The following APTX variants were observed in gnomAD, a reference collection of about 807,000 sequenced individuals.
APTX encodes the protein aprataxin.
In APTX, 33 loss-of-function variants were observed where a neutral mutation model predicts 42.3. That is an observed-to-expected ratio of 0.78 (90% confidence interval 0.59 to 1.04). The LOEUF (loss-of-function observed/expected upper bound fraction) is 1.04, where lower values mean the gene tolerates loss of function less well. APTX is among the 50% of genes least tolerant of loss of function. APTX has a pLI of 0.00. For missense variants in APTX, 421 were observed against 415.1 expected (o/e 1.01, Z -0.12); for synonymous variants, 130 against 146.7 (o/e 0.89, Z 0.82).
At chr9:33,010,081 G>A (rs1415023663) in intron 1 of APTX, among the ~76,000 whole-genome samples, 1 of 152,102 alleles carries the variant, frequency 6.6e-6, no homozygotes, top group Non-Finnish European at 1.5e-5. Context: ...AAGACTGATG[G>A]GGCTGCCTTC....
intron 1 of APTX, among the ~76,000 whole-genome samples, chr9:33,024,282 G>T (rs1047991448): frequency 5.9e-5 from 9 of 152,114 alleles, no homozygotes; most frequent in Non-Finnish European, 8.8e-5. Flanking sequence ...CAAAGTGCTG[G>T]GATTACACAC....
chr9:33,020,331 T>TA (rs1838275543), intron 1 of APTX, among the ~76,000 whole-genome samples: 2 of 152,210 alleles, frequency 1.3e-5, no homozygotes, highest in African/African-American at 4.8e-5. Flanking sequence ...CTGGAAGTCA[T>TA]TCCTCCTCCC....
upstream of APTX, among the ~76,000 whole-genome samples, chr9:33,004,419 C>A (rs1537256): frequency 2.0e-5 from 3 of 152,002 alleles, no homozygotes; most frequent in Non-Finnish European, 2.9e-5. Context: ...CCTAAAGCCA[C>A]TGAAATTTGT....
intron 1 of APTX, among the ~76,000 whole-genome samples, chr9:33,014,476 T>A (rs767867991): frequency 6.8e-6 from 1 of 146,374 alleles, no homozygotes; most frequent in Non-Finnish European, 1.6e-5. Flanking sequence ...AAAGGATGCA[T>A]AGCTGGGGAG....
chr9:32,989,233 G>C (rs1448176900), intron 2 of APTX, among the ~76,000 whole-genome samples: 1 of 152,164 alleles, frequency 6.6e-6, no homozygotes, highest in East Asian at 1.9e-4. Context: ...CTTGCTGTGG[G>C]GGGGTCACAC....
At position 32,977,303 on chromosome 9, in the gene APTX, T is replaced by C. The variant is rs112870241; in HGVS notation, c.771-2742A>G. ...GAGTTCAACATTGGCCTGAGCAACA[T>C]AGTGAGACCCTCATCTCTAAAAAAT... On this transcript the variant is annotated intron_variant, in intron 6 of 7. Coordinates refer to ENST00000379817, the MANE Select transcript of APTX (RefSeq NM_001195248.2). Among the ~76,000 whole-genome samples, 511 of 151,808 alleles carry C rather than the reference T, an allele frequency of 3.4e-3. 3 individuals carry two copies. Among genetic ancestry groups the C allele is most frequent in the African/African-American group, 0.012 (492 of 41,378 alleles).
At chr9:33,017,675 C>T (rs1448191694) in intron 1 of APTX, among the ~76,000 whole-genome samples, 3 of 152,298 alleles carry the variant, frequency 2.0e-5, no homozygotes, top group African/African-American at 4.8e-5. Context: ...ATAATTCTTA[C>T]ATTTCTCAGT....
intron 1 of APTX, chr9:33,016,257 T>C (rs1415637590): frequency 1.3e-5 from 2 of 152,232 alleles, no homozygotes; most frequent in Non-Finnish European, 2.9e-5. Context: ...GAAAGTATTG[T>C]TGCTGACACA....
chr9:32,993,378 T>G (rs1834091924), intron 1 of APTX, among the ~76,000 whole-genome samples: 2 of 152,202 alleles, frequency 1.3e-5, no homozygotes, highest in South Asian at 4.1e-4. Flanking sequence ...GAAGGATGGG[T>G]GTTCCTGAAT....
intron 1 of APTX, among the ~76,000 whole-genome samples, chr9:33,008,916 T>C (rs1564001080): frequency 1.3e-5 from 2 of 152,218 alleles, no homozygotes; most frequent in Admixed American, 1.3e-4. Flanking sequence ...GGGACACCAG[T>C]TGAGCAGTTC....
At chr9:33,021,689 T>C (rs1299714342) in intron 1 of APTX, among the ~76,000 whole-genome samples, 4 of 151,946 alleles carry the variant, frequency 2.6e-5, no homozygotes, top group African/African-American at 9.7e-5. Context: ...GGGGGCGGAT[T>C]TCACATTAGT....
At chr9:33,011,444 C>T (rs889269161) in intron 1 of APTX, among the ~76,000 whole-genome samples, 13 of 151,984 alleles carry the variant, frequency 8.6e-5, no homozygotes, top group African/African-American at 2.9e-4. Flanking sequence ...CCTGCCACCA[C>T]GCCCGGCTAA....
chr9:32,988,101 T>A lies in APTX; in HGVS notation c.162A>T (p.Gly54=), dbSNP rs1278170412. ...QVQLKAECNK[G]YVKVKQVGVN... ...CACCTACCTGCTTTACCTTGACATA[T>A]CCCTTGTTACACTCTGCTTTCAACT... is the stretch of plus-strand genomic sequence containing the variant. The change falls in exon 3 of 8, where the codon GGA becomes GGT. Residue 54 remains glycine (G), a synonymous_variant. Coordinates refer to ENST00000379817, the MANE Select transcript of APTX (RefSeq NM_001195248.2). 10 of 1,614,030 alleles carry A rather than the reference T, an allele frequency of 6.2e-6. No homozygotes were observed.
At chr9:32,992,399 T>A (rs1833856190) in intron 1 of APTX, among the ~76,000 whole-genome samples, 1 of 152,212 alleles carries the variant, frequency 6.6e-6, no homozygotes, top group South Asian at 2.1e-4. Flanking sequence ...TATTAGCCAG[T>A]ACAGGCTTCC....
intron 1 of APTX, among the ~76,000 whole-genome samples, chr9:33,023,282 G>A (rs1564008273): frequency 1.3e-5 from 2 of 151,552 alleles, no homozygotes; most frequent in Non-Finnish European, 2.9e-5. Context: ...GGAGTATAGC[G>A]GCACCATCTC....
intron 6 of APTX, among the ~76,000 whole-genome samples, chr9:32,976,543 C>T (rs1420506024): frequency 6.6e-6 from 1 of 152,176 alleles, no homozygotes; most frequent in Non-Finnish European, 1.5e-5. Flanking sequence ...ATGATTTATA[C>T]AATCCTTAAG....
intron 6 of APTX, among the ~76,000 whole-genome samples, chr9:32,978,464 T>C (rs889514225): frequency 1.8e-4 from 27 of 152,168 alleles, no homozygotes; most frequent in Admixed American, 6.5e-5. Context: ...ATAGTTTCTA[T>C]GGCTTGCTTA....
chr9:33,017,344 A>G (rs1225342766), intron 1 of APTX, among the ~76,000 whole-genome samples: 2 of 152,126 alleles, frequency 1.3e-5, no homozygotes, highest in African/African-American at 2.4e-5. Flanking sequence ...CCAGAAACTT[A>G]TTTCTCATTT....
chr9:32,996,203 C>G (rs1177034809), intron 1 of APTX, among the ~76,000 whole-genome samples: 1 of 151,934 alleles, frequency 6.6e-6, no homozygotes, highest in East Asian at 1.9e-4. Flanking sequence ...GAACCAAACC[C>G]ACGTCTCTGA....
Sources: allele counts gnomAD v4.1 joint callset (sites outside exome capture counted in the v4.1 genomes callset), GRCh38; gene constraint gnomAD v4.1.1; transcripts MANE v1.5; gene names NCBI Gene and HGNC (gene_info 2026-07-23, HGNC 2026-07-21).